VWA5B2: variants seen among roughly 807,000 people sequenced by gnomAD.
VWA5B2 encodes the protein von Willebrand factor A domain containing 5B2.
Under a neutral mutation model 118.5 loss-of-function variants are expected in VWA5B2, and 93 were observed. That is an observed-to-expected ratio of 0.79 (90% CI 0.66 to 0.93). The LOEUF (loss-of-function observed/expected upper bound fraction) is 0.93. Ranked by LOEUF, VWA5B2 falls within the 40% of genes least tolerant of loss-of-function variation. VWA5B2 has a pLI of 0.00. For synonymous variants in VWA5B2, 708 were observed against 716.3 expected (o/e 0.99, Z 0.19); for missense variants, 1,546 against 1,672.8 (o/e 0.92, Z 1.32).
At position 184,239,583 on chromosome 3, in the gene VWA5B2, G is replaced by C; in HGVS notation, c.2392G>C (p.Gly798Arg). The part of the protein sequence containing the change: ...QQLGQGLDDS[G>R]NLLSPAPMDW... ...GTTGGGACAAGGCCTGGATGACTCA[G>C]GTAAGTGTTGGATGGGGAGCTGGTT... is the stretch of plus-strand genomic sequence containing the variant. Residue 798 changes from glycine to arginine, a missense_variant and splice_region_variant, in exon 15 of 20, where the codon GGA (glycine) becomes CGA (arginine). By Grantham distance (125) the Gly-to-Arg change is moderately radical. Coordinates refer to ENST00000691901, the MANE Select transcript of VWA5B2 (RefSeq NM_001390846.1). The surrounding 1 kb of genome is among the most constrained non-coding windows in gnomAD (Gnocchi z 5.1). The C allele has an allele frequency of 6.6e-7, 1 of 1,513,340 alleles. No individual in the cohort carries two copies. The highest frequency in any genetic ancestry group is 1.2e-5 in the South Asian group (1 of 80,068). The allele number at this position is 1,513,340 out of a possible 1,614,324, so 93.7% of individuals were successfully genotyped here. A position where few individuals can be genotyped will look rare whatever the true frequency, so the allele number is the denominator to read the frequency against.
rs1019447824 is a variant in VWA5B2, at chr3:184,230,912, C to T, written c.305C>T (p.Ala102Val). ...GLGTPTPRRC[A>V]QGHLVLDLAQ... The stretch of plus-strand genomic sequence containing the variant: ...GGGACCCCGACGCCCCGCCGCTGCG[C>T]GCAGGGTGAGTTCCGCGCGCCCGCA... Residue 102 changes from alanine (A) to valine (V), a missense_variant, in exon 3 of 20, where the codon GCG (alanine) becomes GTG (valine). Ala to Val is a moderately conservative substitution (Grantham distance 64). Around this residue, in one of 3 missense-constraint regions of VWA5B2, gnomAD observed 775 missense variants for 882.3 expected, o/e 0.88. Coordinates refer to ENST00000691901, the MANE Select transcript of VWA5B2 (RefSeq NM_001390846.1). The T allele has an allele frequency of 7.4e-6, 9 of 1,218,482 alleles. No individual in the cohort carries two copies. The highest frequency in any genetic ancestry group is 8.7e-5 in the Admixed American group (2 of 22,946). The allele number at this position is 1,218,482 out of a possible 1,614,324, so 75.5% of individuals were successfully genotyped here.
At position 184,233,446 on chromosome 3, in the gene VWA5B2, C is replaced by A; in HGVS notation, c.530+49C>A. ...CGTCCCTCCCTCGGCTTCTCTGGGT[C>A]TAGTGCGGGTGAGGGGGCACTGGCA... On this transcript the variant is annotated intron_variant, in intron 4 of 19. Coordinates refer to ENST00000691901, the MANE Select transcript of VWA5B2 (RefSeq NM_001390846.1). The surrounding 1 kb of genome is among the most constrained non-coding windows in gnomAD (Gnocchi z 5.2). 6.7e-7 allele frequency: 1 copy of A among 1,500,578 alleles called. No individual in the cohort carries two copies. Among genetic ancestry groups the A allele is most frequent in the South Asian group, 1.3e-5 (1 of 75,070 alleles). The allele number at this position is 1,500,578 out of a possible 1,614,324, so 93.0% of individuals were successfully genotyped here. A position where few individuals can be genotyped will look rare whatever the true frequency, so the allele number is the denominator to read the frequency against.
At position 184,230,884 on chromosome 3, in the gene VWA5B2, C is replaced by A; in HGVS notation, c.277C>A (p.Leu93Met). 8.2e-7 allele frequency: 1 copy of A among 1,225,684 alleles called. No individual in the cohort carries two copies. The allele number at this position is 1,225,684 out of a possible 1,614,324, so 75.9% of individuals were successfully genotyped here. A position where few individuals can be genotyped will look rare whatever the true frequency, so the allele number is the denominator to read the frequency against. Reference sequence around the variant, plus strand: ...CTGCTGCCGCGCTCTGGGCCCGGGGCTGGGGACCCCGACGCCCCGCCGCTG... The same window carrying A: ...CTGCTGCCGCGCTCTGGGCCCGGGGATGGGGACCCCGACGCCCCGCCGCTG... ...AACCRALGPG[L>M]GTPTPRRCAQ... Residue 93 changes from leucine (L) to methionine (M), a missense_variant, in exon 3 of 20, where the codon CTG becomes ATG. By Grantham distance (15) the Leu-to-Met change is conservative. This residue lies in a region of VWA5B2 where 775 missense variants were observed against 882.3 expected (regional missense o/e 0.88). Transcript: ENST00000691901.
Position 184,236,161 on chromosome 3 carries a change from G to A in VWA5B2, c.1111G>A (p.Val371Ile), listed in dbSNP as rs1381531398. Reference sequence around the variant, plus strand: ...CCCTGGCCCTCCACAGGATGCCATTGTTTTGGCTGTGAAGTCCCTCCCGCC... The same window carrying A: ...CCCTGGCCCTCCACAGGATGCCATTATTTTGGCTGTGAAGTCCCTCCCGCC... ...SSSVAHKDAI[V>I]LAVKSLPPQT... Residue 371 changes from valine to isoleucine, a missense_variant, in exon 9 of 20, where the codon GTT (valine) becomes ATT (isoleucine). Coordinates refer to ENST00000691901, the MANE Select transcript of VWA5B2 (RefSeq NM_001390846.1). 1.4e-5 allele frequency: 22 copies of A among 1,551,368 alleles called. No homozygotes were observed. The highest frequency in any genetic ancestry group is 2.4e-5 in the South Asian group (2 of 84,050).
rs549589355 is a variant in VWA5B2, at chr3:184,231,354, C to G, written c.310+437C>G. Among the ~76,000 whole-genome samples, 3 of 152,338 alleles carry G rather than the reference C, an allele frequency of 2.0e-5. No individual in the cohort carries two copies. In the East Asian group the frequency reaches 5.8e-4, roughly 29 times the overall value. On this transcript the variant is annotated intron_variant, in intron 3 of 19. Transcript: ENST00000691901. ...GCCCTCGCTCTCACCCCATTCCATC[C>G]CTCTCCCAGCGACCCCATACACCAG...
rs534409180 is a variant in VWA5B2, at chr3:184,230,549, C to T, written c.21C>T (p.Pro7=). The T allele has an allele frequency of 6.8e-7, 1 of 1,480,892 alleles. No homozygotes were observed. Among genetic ancestry groups the T allele is most frequent in the East Asian group, 3.0e-5 (1 of 33,654 alleles). The allele number at this position is 1,480,892 out of a possible 1,614,324, so 91.7% of individuals were successfully genotyped here. ...GCGCCATGCCCGGCCTGTACTGCCC[C>T]TCCAGCTGGACGCCGCTGCCGCTCA... is the stretch of plus-strand genomic sequence containing the variant. The part of the protein sequence containing the change: MPGLYC[P]SSWTPLPLTD... The change falls in exon 2 of 20, where the codon CCC becomes CCT. Residue 7 remains proline, a synonymous_variant. Coordinates refer to ENST00000691901, the MANE Select transcript of VWA5B2 (RefSeq NM_001390846.1).
In VWA5B2 at chr3:184,238,953, G is replaced by C; in HGVS notation, c.2202+80G>C. ...CCTGCTGTGCACCAGATATTATGTA[G>C]AGTTTACTATTAAGTCTAGCTAGAG... On this transcript the variant is annotated intron_variant, in intron 14 of 19. Transcript: ENST00000691901. This position sits in a 1 kb window ranked among gnomAD's most constrained non-coding sequence, Gnocchi z 5.0. 1 of 1,362,916 alleles carries C rather than the reference G, an allele frequency of 7.3e-7. No individual in the cohort carries two copies. The highest frequency in any genetic ancestry group is 9.8e-7 in the Non-Finnish European group (1 of 1,021,380). The allele number at this position is 1,362,916 out of a possible 1,614,324, so 84.4% of individuals were successfully genotyped here.
rs1216039486 is a variant in VWA5B2, at chr3:184,238,013, T to C, written c.1720-290T>C. Among the ~76,000 whole-genome samples the C allele has an allele frequency of 6.6e-6, 1 of 152,120 alleles. No homozygotes were observed. Among genetic ancestry groups the C allele is most frequent in the Non-Finnish European group, 1.5e-5 (1 of 68,034 alleles). On this transcript the variant is annotated intron_variant, in intron 12 of 19. Transcript: ENST00000691901. This position sits in a 1 kb window ranked among gnomAD's most constrained non-coding sequence, Gnocchi z 5.0. ...AGTTATTTTTTAATGAAAAGCTTTA[T>C]CTCTTTAGAAGAACTCTGCACGCTT... is the stretch of plus-strand genomic sequence containing the variant.
rs1202456782 is a variant in VWA5B2 at position 184,233,504 on chromosome 3, C to G, written c.531-72C>G. ...CAGGGATGGGAAGGGTGAGGAAGGG[C>G]TGGGGCCAGTCAGCCGGAGGGTTTA... is the stretch of plus-strand genomic sequence containing the variant. On this transcript the variant is annotated intron_variant, in intron 4 of 19. Transcript: ENST00000691901. This position sits in a 1 kb window ranked among gnomAD's most constrained non-coding sequence, Gnocchi z 5.2. 6.6e-6 allele frequency: 10 copies of G among 1,517,636 alleles called. No homozygotes were observed. Among genetic ancestry groups the G allele is most frequent in the Non-Finnish European group, 8.9e-6 (10 of 1,129,402 alleles). The allele number at this position is 1,517,636 out of a possible 1,614,324, so 94.0% of individuals were successfully genotyped here.
chr3:184,242,199 G>A lies in VWA5B2; in HGVS notation c.*161G>A. 1.1e-6 allele frequency: 1 copy of A among 913,626 alleles called. No individual in the cohort carries two copies. Among genetic ancestry groups the A allele is most frequent in the Non-Finnish European group, 1.6e-6 (1 of 609,122 alleles). 56.6% of individuals were successfully genotyped at this position (913,626 alleles called of 1,614,324 possible). A position where few individuals can be genotyped will look rare whatever the true frequency, so the allele number is the denominator to read the frequency against. ...GAGCCCTCTTGCCCCCACAAAAAGT[G>A]CCTGCCTGTGCTCTCTCCCTCTCCT... On this transcript the variant is annotated 3_prime_UTR_variant, in exon 20 of 20. Transcript: ENST00000691901.
rs180842349 is a variant in VWA5B2 at position 184,236,131 on chromosome 3, G to A, written c.1102-21G>A. On this transcript the variant is annotated intron_variant, in intron 8 of 19. Transcript: ENST00000691901. ...GGGCCCATGGGGCCGGCCTCACGCC[G>A]CCCTCCCTGGCCCTCCACAGGATGC... is the stretch of plus-strand genomic sequence containing the variant. 7.5e-4 allele frequency: 1,159 copies of A among 1,548,090 alleles called. 6 individuals are homozygous for A. In the African/African-American group the frequency reaches 0.014, roughly 18 times the overall value.
Position 184,241,008 on chromosome 3 carries a change from C to T in VWA5B2, c.2879-16C>T, listed in dbSNP as rs1331329910. ...CTCCTGGACAAACCTGACTCCTGTCCCATGTGCCCCTGCAGAGCCCGCTGA... is the reference window on the plus strand; with the variant it reads ...CTCCTGGACAAACCTGACTCCTGTCTCATGTGCCCCTGCAGAGCCCGCTGA... On this transcript the variant is annotated splice_polypyrimidine_tract_variant and intron_variant, in intron 17 of 19. Coordinates refer to ENST00000691901, the MANE Select transcript of VWA5B2 (RefSeq NM_001390846.1). This position sits in a 1 kb window ranked among gnomAD's most constrained non-coding sequence, Gnocchi z 5.1. 1 of 1,551,642 alleles carries T rather than the reference C, an allele frequency of 6.4e-7. No individual in the cohort carries two copies. Among genetic ancestry groups the T allele is most frequent in the Non-Finnish European group, 8.7e-7 (1 of 1,146,962 alleles).
At chr3:184,234,852 CCTCTTTTCTCGGT>C in intron 7 of VWA5B2, 97 bp downstream of exon 7, 1 of 1,494,932 alleles carries the variant, frequency 6.7e-7, no homozygotes, top group Non-Finnish European at 8.9e-7. Context: ...TGCGGGGAGG[CCTCTTTTCTCGGT>C]AAGATCTCTC....
intron 9 of VWA5B2, 36 bp from the exon 10 acceptor site, chr3:184,236,307 G>C (rs1256138166): frequency 6.4e-7 from 1 of 1,551,098 alleles, no homozygotes; most frequent in African/African-American, 1.4e-5. Context: ...AGAGGTTTCA[G>C]CCCAGTGCGT....
Position 184,240,793 on chromosome 3 carries a change from C to A in VWA5B2, c.2743C>A (p.His915Asn). Residue 915 changes from histidine (H) to asparagine (N), a missense_variant and splice_region_variant, in exon 17 of 20, where the codon CAT becomes AAT. Physicochemically the swap from His to Asn is moderately conservative, Grantham distance 68. Coordinates refer to ENST00000691901, the MANE Select transcript of VWA5B2 (RefSeq NM_001390846.1). ...GGAETTADRG[H>N]ARRCWLRALQ... ...CAGACTGCTCCTTGGTTCCACAGGC[C>A]ATGCCCGGAGGTGCTGGCTTCGAGC... 6.4e-7 allele frequency: 1 copy of A among 1,550,662 alleles called. No individual in the cohort carries two copies. Among genetic ancestry groups the A allele is most frequent in the Non-Finnish European group, 8.7e-7 (1 of 1,146,924 alleles).
intron 8 of VWA5B2, among the ~76,000 whole-genome samples, 179 bp downstream of exon 8, chr3:184,235,487 C>T (rs540223403): frequency 2.0e-5 from 3 of 152,282 alleles, no homozygotes; most frequent in South Asian, 2.1e-4. Context: ...CTGCTCCAAC[C>T]GCCAAACAGA....
At chr3:184,240,414 C>G (rs548166133) in intron 16 of VWA5B2, 39 of 349,150 alleles carry the variant, frequency 1.1e-4, no homozygotes, top group Non-Finnish European at 1.8e-4. Flanking sequence ...TTGCACTAAC[C>G]ACAGCTGAAG....
At position 184,239,637 on chromosome 3, in the gene VWA5B2, G is replaced by A; in HGVS notation, c.2393-52G>A. The A allele has an allele frequency of 6.8e-7, 1 of 1,473,164 alleles. No individual in the cohort carries two copies. The highest frequency in any genetic ancestry group is 9.1e-7 in the Non-Finnish European group (1 of 1,104,252). 91.3% of individuals were successfully genotyped at this position (1,473,164 alleles called of 1,614,324 possible). On this transcript the variant is annotated intron_variant, in intron 15 of 19. Coordinates refer to ENST00000691901, the MANE Select transcript of VWA5B2 (RefSeq NM_001390846.1). This position sits in a 1 kb window ranked among gnomAD's most constrained non-coding sequence, Gnocchi z 5.1. ...CTGACACCAAAGAGGCCTTGGGGAG[G>A]TAAAGCCCAGAGGACCACTCTGCCC...
chr3:184,234,225 G>A (rs1325624684), intron 5 of VWA5B2, 41 bp from the exon 6 acceptor site: 3 of 1,547,130 alleles, frequency 1.9e-6, no homozygotes, highest in South Asian at 1.2e-5. Context: ...CTGGGAAGGT[G>A]TTATGGCTAC....
Sources: allele counts gnomAD v4.1 joint callset (sites outside exome capture counted in the v4.1 genomes callset), GRCh38; gene constraint gnomAD v4.1.1; regional missense constraint gnomAD v4.1.1; non-coding constraint Gnocchi (gnomAD v3.1); transcripts MANE v1.5; gene names NCBI Gene and HGNC (gene_info 2026-07-23, HGNC 2026-07-21).